Variants in AKAP3 observed in about 807,000 individuals in gnomAD.
AKAP3 encodes A-kinase anchor protein 3.
A neutral mutation model predicts 57.2 loss-of-function variants in AKAP3; 27 were observed. That is an observed-to-expected ratio of 0.47 (90% CI 0.35 to 0.65). AKAP3 has a LOEUF of 0.65. Ranked by LOEUF, AKAP3 falls within the 30% of genes least tolerant of loss-of-function variation. The pLI is 0.01. For synonymous variants in AKAP3, 334 were observed against 392.3 expected, an observed-to-expected ratio of 0.85 and a Z score of 1.76; for missense variants, 959 against 1,040.0, an observed-to-expected ratio of 0.92 and a Z score of 1.07.
In AKAP3 at chr12:4,625,081, A is replaced by T. The variant is rs1235230485; in HGVS notation, c.2406+1415T>A. Among the ~76,000 whole-genome samples, 1 of 151,794 alleles carries T rather than the reference A, an allele frequency of 6.6e-6. No individual in the cohort carries two copies. The highest frequency in any genetic ancestry group is 1.5e-5 in the Non-Finnish European group (1 of 67,946). ...TTCAGCATATAGCCTCCCACTCCCC[A>T]CCTCTACTAATTGCTATATACTGTA... On this transcript the variant is annotated intron_variant, in intron 5 of 5. Coordinates refer to ENST00000228850, the MANE Select transcript of AKAP3 (RefSeq NM_001278309.2). This position sits in a 1 kb window ranked among gnomAD's most constrained non-coding sequence, Gnocchi z 5.4.
intron 2 of AKAP3, among the ~76,000 whole-genome samples, chr12:4,642,804 G>A (rs1336341831): frequency 6.6e-6 from 1 of 152,118 alleles, no homozygotes; most frequent in Non-Finnish European, 1.5e-5. Context: ...CCTTATAGTA[G>A]CTAGTATCTT....
rs113786264 is a variant in AKAP3 at position 4,640,062 on chromosome 12, C to T, written c.-1+1837G>A. 8.1e-3 allele frequency among the ~76,000 whole-genome samples: 1,236 copies of T among 152,186 alleles called. 17 individuals carry two copies. Among genetic ancestry groups the T allele is most frequent in the African/African-American group, 0.028 (1,156 of 41,516 alleles). The stretch of plus-strand genomic sequence containing the variant: ...TGATCTCCTGACCTCGTGATCCACC[C>T]GCCTCGGCCTCCCAAAGTGCTGGGA... On this transcript the variant is annotated intron_variant, in intron 3 of 5. Transcript: ENST00000228850.
chr12:4,632,643 T>C (rs1275118082), intron 4 of AKAP3, among the ~76,000 whole-genome samples: 1 of 152,032 alleles, frequency 6.6e-6, no homozygotes, highest in East Asian at 1.9e-4. Context: ...TTTGTTTTTG[T>C]TTTTGTTTTT....
chr12:4,628,335 A>T lies in AKAP3; in HGVS notation c.567T>A (p.Asn189Lys). 6.2e-7 allele frequency: 1 copy of T among 1,614,178 alleles called. No homozygotes were observed. The highest frequency in any genetic ancestry group is 1.6e-4 in the Middle Eastern group (1 of 6,062). Reference protein sequence around the residue: ...VNETVSACSRNAAPDKAPGSG... With the variant: ...VNETVSACSRKAAPDKAPGSG... ...AGCCAGGAGCCTTGTCTGGGGCAGC[A>T]TTCCTGGAACATGCAGAGACGGTCT... The change falls in exon 5 of 6, where the codon AAT becomes AAA. Residue 189 changes from asparagine to lysine, a missense_variant. Coordinates refer to ENST00000228850, the MANE Select transcript of AKAP3 (RefSeq NM_001278309.2).
Position 4,628,762 on chromosome 12 carries a change from CT to C in AKAP3, c.139del (p.Arg47GlufsTer37). 2 of 1,613,448 alleles carry C rather than the reference CT, an allele frequency of 1.2e-6. No homozygotes were observed. The highest frequency in any genetic ancestry group is 1.7e-6 in the Non-Finnish European group (2 of 1,179,404). On this transcript the variant is annotated frameshift_variant, in exon 5 of 6. Coordinates refer to ENST00000228850, the MANE Select transcript of AKAP3 (RefSeq NM_001278309.2). LOFTEE classifies it high-confidence loss of function. ...DPVRVLSWLRRDLEKSTAEFQ... is the reference protein window; with the variant it reads ...DPVRVLSWLRXDLEKSTAEFQ... ...CTCTGCTGTACTCTTCTCCAGGTCT[CT>C]GCGGAGCCAGCTGAGCACTCTGACA...
At chr12:4,644,565 G>A (rs537382804) in intron 2 of AKAP3, among the ~76,000 whole-genome samples, 1 of 152,310 alleles carries the variant, frequency 6.6e-6, no homozygotes, top group East Asian at 1.9e-4. Flanking sequence ...TGACTTTAAA[G>A]CTGCTGAAGG....
intron 5 of AKAP3, among the ~76,000 whole-genome samples, chr12:4,617,751 CA>C (rs3083727): frequency 0.14 from 16,913 of 118,286 alleles, 972 homozygotes; most frequent in Middle Eastern, 0.17. Context: ...GATTCTGTCT[CA>C]AAAAAAAAAA....
rs1335806053 is a variant in AKAP3 at position 4,628,615 on chromosome 12, C to T, written c.287G>A (p.Arg96Lys). 1 of 1,614,190 alleles carries T rather than the reference C, an allele frequency of 6.2e-7. No individual in the cohort carries two copies. Among genetic ancestry groups the T allele is most frequent in the Non-Finnish European group, 8.5e-7 (1 of 1,180,014 alleles). The change falls in exon 5 of 6, where the codon AGA (arginine) becomes AAA (lysine). Residue 96 changes from arginine (R) to lysine (K), a missense_variant. Transcript: ENST00000228850. ...YNTTTKGTPE[R>K]LHFEMTHKEI... is the part of the protein sequence containing the mutation. ...TTTGTGAGTCATCTCAAAATGCAATCTTTCTGGAGTGCCCTTGGTGGTGGT... is the reference window on the plus strand; with the variant it reads ...TTTGTGAGTCATCTCAAAATGCAATTTTTCTGGAGTGCCCTTGGTGGTGGT...
Position 4,615,773 on chromosome 12 carries a change from A to T in AKAP3, c.2528T>A (p.Leu843Gln). 6.2e-7 allele frequency: 1 copy of T among 1,614,150 alleles called. No homozygotes were observed. The highest frequency in any genetic ancestry group is 8.5e-7 in the Non-Finnish European group (1 of 1,180,024). ...CACCATCAGCCAGTCCAGCAGCTGC[A>T]GCGGTGTGACATTCCCCACCGCCTC... ...LNEAVGNVTP[L>Q]QLLDWLMVNL is the part of the protein sequence containing the mutation. Residue 843 changes from leucine (L) to glutamine (Q), a missense_variant, in exon 6 of 6, where the codon CTG becomes CAG. Coordinates refer to ENST00000228850, the MANE Select transcript of AKAP3 (RefSeq NM_001278309.2).
intron 1 of AKAP3, among the ~76,000 whole-genome samples, chr12:4,647,159 T>G (rs1218833906): frequency 6.6e-6 from 1 of 152,154 alleles, no homozygotes; most frequent in African/African-American, 2.4e-5. Context: ...ATTTTGATAC[T>G]TCAGTGGTAT....
At chr12:4,624,813 T>TGG (rs1945390411) in intron 5 of AKAP3, among the ~76,000 whole-genome samples, 1 of 146,436 alleles carries the variant, frequency 6.8e-6, no homozygotes, top group Non-Finnish European at 1.5e-5. Context: ...GACAAAGGTG[T>TGG]GTGTGTGTGT....
At chr12:4,632,125 T>C (rs111303022) in intron 4 of AKAP3, among the ~76,000 whole-genome samples, 1 of 152,380 alleles carries the variant, frequency 6.6e-6, no homozygotes, top group African/African-American at 2.4e-5. Flanking sequence ...GCATATTCAC[T>C]GGATATGTAA....
intron 4 of AKAP3, among the ~76,000 whole-genome samples, chr12:4,634,498 T>C (rs1303885866): frequency 6.6e-6 from 1 of 152,180 alleles, no homozygotes; most frequent in African/African-American, 2.4e-5. Flanking sequence ...ATATACACAA[T>C]TGCTAGTGCA....
In AKAP3 at chr12:4,627,902, T is replaced by A. The variant is rs1459727460; in HGVS notation, c.1000A>T (p.Ile334Phe). 1 of 1,613,902 alleles carries A rather than the reference T, an allele frequency of 6.2e-7. No homozygotes were observed. The highest frequency in any genetic ancestry group is 8.5e-7 in the Non-Finnish European group (1 of 1,179,784). The change falls in exon 5 of 6, where the codon ATC becomes TTC. Residue 334 changes from isoleucine to phenylalanine, a missense_variant. Transcript: ENST00000228850. ...TGGAGATTCCTCAAGAAGGAGTCGA[T>A]GAGATCCGAGACCACCTCTTTTGCA... ...KHAKEVVSDL[I>F]DSFLRNLHSV... is the part of the protein sequence containing the mutation.
At chr12:4,634,509 T>C (rs796619166) in intron 4 of AKAP3, among the ~76,000 whole-genome samples, 3 of 152,298 alleles carry the variant, frequency 2.0e-5, no homozygotes, top group Admixed American at 6.5e-5. Flanking sequence ...TGCTAGTGCA[T>C]TGACTACATT....
At chr12:4,636,710 C>T (rs1945570212) in intron 4 of AKAP3, among the ~76,000 whole-genome samples, 1 of 152,116 alleles carries the variant, frequency 6.6e-6, no homozygotes, top group Non-Finnish European at 1.5e-5. Context: ...GAAGATGGGT[C>T]ATTTGCATTT....
Position 4,648,882 on chromosome 12 carries a change from G to A in AKAP3, c.-382C>T, listed in dbSNP as rs1276410573. On this transcript the variant is annotated 5_prime_UTR_variant, in exon 1 of 6. Transcript: ENST00000228850. ...TTAACTCTGAACTTCAGGTTCCTCG[G>A]CAATTAGAGATTATAAATAGCCTAT... is the stretch of plus-strand genomic sequence containing the variant. The A allele has an allele frequency of 1.9e-6, 1 of 514,558 alleles. No individual in the cohort carries two copies. The highest frequency in any genetic ancestry group is 3.4e-6 in the Non-Finnish European group (1 of 292,120). 31.9% of individuals were successfully genotyped at this position (514,558 alleles called of 1,614,324 possible).
At position 4,615,702 on chromosome 12, in the gene AKAP3, C is replaced by G. The variant is rs369983454; in HGVS notation, c.*37G>C. The G allele has an allele frequency of 1.9e-6, 3 of 1,601,698 alleles. No individual in the cohort carries two copies. Among genetic ancestry groups the G allele is most frequent in the Middle Eastern group, 3.3e-4 (2 of 5,978 alleles). On this transcript the variant is annotated 3_prime_UTR_variant, in exon 6 of 6. Coordinates refer to ENST00000228850, the MANE Select transcript of AKAP3 (RefSeq NM_001278309.2). ...AGAAGGGCGGGGATAAGGGCCGGCC[C>G]CACTGCCAGAAGAGGGGAAAGCAGT...
chr12:4,621,886 C>G (rs967674205), intron 5 of AKAP3, among the ~76,000 whole-genome samples: 2 of 152,046 alleles, frequency 1.3e-5, no homozygotes, highest in Non-Finnish European at 2.9e-5. Context: ...CAGAAACAAA[C>G]TACAACAACA....
Sources: allele counts gnomAD v4.1 joint callset (sites outside exome capture counted in the v4.1 genomes callset), GRCh38; gene constraint gnomAD v4.1.1; non-coding constraint Gnocchi (gnomAD v3.1); transcripts MANE v1.5; gene names NCBI Gene and HGNC (gene_info 2026-07-23, HGNC 2026-07-21).